LPP: variants seen among roughly 807,000 people sequenced by gnomAD.
LPP encodes the protein LIM domain containing preferred translocation partner in lipoma.
A neutral mutation model predicts 60.4 loss-of-function variants in LPP; 38 were observed. That is an observed-to-expected ratio of 0.63 (90% CI 0.49 to 0.83). The LOEUF (loss-of-function observed/expected upper bound fraction) is 0.83, where lower values mean the gene tolerates loss of function less well. LPP is among the 40% of genes least tolerant of loss of function. The probability of loss-of-function intolerance (pLI) is 0.00; values close to 1 mark genes in which losing one functional copy is unlikely to be tolerated. For synonymous variants in LPP, 328 were observed against 290.8 expected (o/e 1.13, Z -1.30); for missense variants, 902 against 783.6 (o/e 1.15, Z -1.80).
Position 188,610,628 on chromosome 3 carries a change from A to C in LPP, c.1113+784A>C, listed in dbSNP as rs1843504651. 6.6e-6 allele frequency among the ~76,000 whole-genome samples: 1 copy of C among 152,226 alleles called. No homozygotes were observed. Among genetic ancestry groups the C allele is most frequent in the Admixed American group, 6.5e-5 (1 of 15,280 alleles). On this transcript the variant is annotated intron_variant, in intron 7 of 11. Coordinates refer to ENST00000617246, the MANE Select transcript of LPP (RefSeq NM_001375462.1). This position sits in a 1 kb window ranked among gnomAD's most constrained non-coding sequence, Gnocchi z 4.4. ...TACTTCTTATTTGATTTAATTGTCC[A>C]TATGTGGACCTTTTAAGTTAACACT...
Position 188,406,195 on chromosome 3 carries a change from C to T in LPP, c.75C>T (p.Thr25=). The T allele has an allele frequency of 1.2e-6, 2 of 1,614,154 alleles. No homozygotes were observed. Among genetic ancestry groups the T allele is most frequent in the African/African-American group, 2.7e-5 (2 of 75,036 alleles). The change falls in exon 4 of 12, where the codon ACC becomes ACT. Residue 25 remains threonine (T), a synonymous_variant. Coordinates refer to ENST00000617246, the MANE Select transcript of LPP (RefSeq NM_001375462.1). ...GCCATGTGCCTGCACGGATGGAGAC[C>T]ACCCATTCCTTTGGGAACCCCAGCA... is the stretch of plus-strand genomic sequence containing the variant. ...PLGHVPARME[T]THSFGNPSIS...
At chr3:188,196,056 C>G (rs1729443771) in intron 1 of LPP, among the ~76,000 whole-genome samples, 1 of 152,178 alleles carries the variant, frequency 6.6e-6, no homozygotes, top group African/African-American at 2.4e-5. Context: ...TCCTTTTTAG[C>G]AGTGCTCTTA....
intron 5 of LPP, among the ~76,000 whole-genome samples, chr3:188,496,746 G>A (rs1810348767): frequency 6.6e-6 from 1 of 152,132 alleles, no homozygotes; most frequent in African/African-American, 2.4e-5. Context: ...ATTATTTGCT[G>A]TCACCAGTTC....
At chr3:188,204,111 C>G (rs762915641) in intron 1 of LPP, among the ~76,000 whole-genome samples, 2 of 152,100 alleles carry the variant, frequency 1.3e-5, no homozygotes, top group Non-Finnish European at 2.9e-5. Flanking sequence ...GCTCACTTCC[C>G]CACTGTGCAG....
In LPP at chr3:188,780,164, C is replaced by T. The variant is rs7632315; in HGVS notation, c.1410+19882C>T. Among the ~76,000 whole-genome samples the T allele has an allele frequency of 9.0e-3, 1,362 of 152,126 alleles. 20 individuals are homozygous for T. The highest frequency in any genetic ancestry group is 0.031 in the African/African-American group (1,291 of 41,490). On this transcript the variant is annotated intron_variant, in intron 9 of 11. Transcript: ENST00000617246. ...AAGAGTTTGGAAGAAGGGAGAGTTC[C>T]GACGAGGTACAGAAATCAGAACTTC... is the stretch of plus-strand genomic sequence containing the variant.
At chr3:188,515,060 G>C (rs1300031846) in intron 5 of LPP, among the ~76,000 whole-genome samples, 1 of 152,192 alleles carries the variant, frequency 6.6e-6, no homozygotes, top group Non-Finnish European at 1.5e-5. Flanking sequence ...CATTTATCAA[G>C]CGTAGCATTT....
At chr3:188,472,697 G>T (rs1411265785) in intron 4 of LPP, 1 of 152,146 alleles carries the variant, frequency 6.6e-6, no homozygotes, top group Non-Finnish European at 1.5e-5. Context: ...CCCAACATTG[G>T]GGAAAAGGAA....
chr3:188,832,671 A>G (rs542057928), intron 9 of LPP, among the ~76,000 whole-genome samples: 1 of 152,320 alleles, frequency 6.6e-6, no homozygotes, highest in South Asian at 2.1e-4. Context: ...TCCCCTTTAT[A>G]GTTTTCCAAG....
intron 6 of LPP, among the ~76,000 whole-genome samples, chr3:188,579,817 A>G (rs529815117): frequency 1.6e-4 from 22 of 136,962 alleles, no homozygotes; most frequent in East Asian, 4.8e-4. Flanking sequence ...TTAAATAGCC[A>G]GGATTAGCCA....
chr3:188,459,976 CT>C (rs1798630279), intron 4 of LPP, among the ~76,000 whole-genome samples: 1 of 152,120 alleles, frequency 6.6e-6, no homozygotes, highest in African/African-American at 2.4e-5. Flanking sequence ...CAAGGAAATA[CT>C]GTCGAAGACA....
At chr3:188,192,778 T>A (rs34277939) in intron 1 of LPP, among the ~76,000 whole-genome samples, 37,843 of 152,110 alleles carry the variant, frequency 0.25, 5,870 homozygotes, top group Non-Finnish European at 0.35. Flanking sequence ...ACAGGGCCCT[T>A]TTCTTGCCTA....
chr3:188,822,476 C>G (rs1231866732), intron 9 of LPP, among the ~76,000 whole-genome samples: 3 of 152,016 alleles, frequency 2.0e-5, no homozygotes, highest in Non-Finnish European at 4.4e-5. Flanking sequence ...TATGGGATAC[C>G]TGGAAAATAA....
At chr3:188,607,209 C>T (rs942832741) in intron 6 of LPP, among the ~76,000 whole-genome samples, 1 of 150,260 alleles carries the variant, frequency 6.7e-6, no homozygotes, top group African/African-American at 2.5e-5. Context: ...CAACAGGGCA[C>T]AATTTCAGGA....
At chr3:188,728,270 T>C (rs1357148430) in intron 8 of LPP, among the ~76,000 whole-genome samples, 1 of 152,192 alleles carries the variant, frequency 6.6e-6, no homozygotes. Context: ...TCTAGTCCAA[T>C]CTTACATCAC....
intron 9 of LPP, among the ~76,000 whole-genome samples, chr3:188,774,198 A>T (rs576183665): frequency 1.3e-5 from 2 of 152,038 alleles, no homozygotes; most frequent in African/African-American, 4.8e-5. Flanking sequence ...TAATGTCGGC[A>T]AGTCTCATTG....
intron 1 of LPP, among the ~76,000 whole-genome samples, chr3:188,163,347 A>G (rs1394921648): frequency 6.6e-6 from 1 of 152,018 alleles, no homozygotes; most frequent in African/African-American, 2.4e-5. Flanking sequence ...TTAAAGGAGG[A>G]TGCTTTGACC....
chr3:188,491,725 G>A (rs1808438054), intron 5 of LPP, among the ~76,000 whole-genome samples: 1 of 152,216 alleles, frequency 6.6e-6, no homozygotes, highest in Non-Finnish European at 1.5e-5. Flanking sequence ...GAATGTCACA[G>A]TTTTCCTGGT....
At chr3:188,335,389 G>A (rs143525569) in intron 2 of LPP, among the ~76,000 whole-genome samples, 10 of 152,266 alleles carry the variant, frequency 6.6e-5, no homozygotes, top group Non-Finnish European at 1.3e-4. Context: ...AATACCACTT[G>A]ATCATAGTAA....
In LPP at chr3:188,457,139, C is replaced by G. The variant is rs1317135307; in HGVS notation, c.194-27453C>G. Among the ~76,000 whole-genome samples, 3 of 152,298 alleles carry G rather than the reference C, an allele frequency of 2.0e-5. No individual in the cohort carries two copies. In the East Asian group the frequency reaches 5.8e-4, roughly 29 times the overall value. On this transcript the variant is annotated intron_variant, in intron 4 of 11. Transcript: ENST00000617246. Reference sequence around the variant, plus strand: ...GTGAAAACATCCCCAGAATCTGGTCCTGCTCAAAAATGGAGCAGAGTTTCT... The same window carrying G: ...GTGAAAACATCCCCAGAATCTGGTCGTGCTCAAAAATGGAGCAGAGTTTCT...
Sources: allele counts gnomAD v4.1 joint callset (sites outside exome capture counted in the v4.1 genomes callset), GRCh38; gene constraint gnomAD v4.1.1; non-coding constraint Gnocchi (gnomAD v3.1); transcripts MANE v1.5; gene names NCBI Gene and HGNC (gene_info 2026-07-23, HGNC 2026-07-21).